Variants in CD70 observed in about 807,000 individuals in gnomAD.
CD70 encodes the protein CD70 antigen.
In CD70, 6 loss-of-function variants were observed where a neutral mutation model predicts 9.0. The ratio of observed to expected loss-of-function variants is 0.67; its 90% CI spans 0.37 to 1.32. The LOEUF (loss-of-function observed/expected upper bound fraction) is 1.32. Ranked by LOEUF, CD70 falls within the 40% of genes most tolerant of loss-of-function variation. CD70 has a pLI of 0.02. For synonymous variants in CD70, 108 were observed against 112.3 expected (o/e 0.96, Z 0.24); for missense variants, 235 against 258.7 (o/e 0.91, Z 0.63).
chr19:6,588,168 GTT>G (rs1366542790), intron 2 of CD70, among the ~76,000 whole-genome samples: 1 of 152,220 alleles, frequency 6.6e-6, no homozygotes, highest in Non-Finnish European at 1.5e-5. Flanking sequence ...CCCCAAGGGT[GTT>G]TACCAGGCTT....
intron 2 of CD70, 27 bp from the exon 3 acceptor site, chr19:6,586,432 G>C (rs1681851468): frequency 6.4e-7 from 1 of 1,572,314 alleles, no homozygotes; most frequent in South Asian, 1.2e-5. Flanking sequence ...AGAGGGATGA[G>C]AGGATGGAGG....
At chr19:6,582,610 G>A (rs571010357), downstream of CD70, among the ~76,000 whole-genome samples, 3 of 151,588 alleles carry the variant, frequency 2.0e-5, no homozygotes, top group Non-Finnish European at 4.4e-5. Context: ...GAGAACATGC[G>A]GTGTTTGGTT....
rs777338721 is a variant in CD70 at position 6,586,334 on chromosome 19, CT to C, written c.267del (p.Glu90SerfsTer21). On this transcript the variant is annotated frameshift_variant, in exon 3 of 3. Coordinates refer to ENST00000245903, the MANE Select transcript of CD70 (RefSeq NM_001252.5). LOFTEE classifies it low-confidence loss of function (END_TRUNC). The part of the protein sequence containing the change: ...PALGRSFLHG[P>X]ELDKGQLRIH... Reference sequence around the variant, plus strand: ...ATACGTAGCTGCCCCTTGTCCAGCTCTGGTCCATGCAGGAAGGAGCGGCCCA... The same window carrying C: ...ATACGTAGCTGCCCCTTGTCCAGCTCGGTCCATGCAGGAAGGAGCGGCCCA... 6.2e-7 allele frequency: 1 copy of C among 1,613,546 alleles called. No homozygotes were observed.
At chr19:6,585,265 T>C (rs763775977), downstream of CD70, among the ~76,000 whole-genome samples, 1 of 152,084 alleles carries the variant, frequency 6.6e-6, no homozygotes, top group Non-Finnish European at 1.5e-5. Context: ...TATTTTGCAT[T>C]GTCTGCTTTG....
chr19:6,588,389 A>AG (rs1486872446), intron 2 of CD70, among the ~76,000 whole-genome samples: 3 of 151,882 alleles, frequency 2.0e-5, no homozygotes, highest in East Asian at 1.9e-4. Context: ...AAGGCCGGGG[A>AG]GGGGGGGAAG....
downstream of CD70, among the ~76,000 whole-genome samples, chr19:6,583,641 C>A (rs61492198): frequency 1.9e-3 from 287 of 149,834 alleles, 4 homozygotes; most frequent in African/African-American, 6.8e-3. Context: ...TCACTGCAAT[C>A]TCCACCTCCT....
At position 6,586,154 on chromosome 19, in the gene CD70, C is replaced by G; in HGVS notation, c.448G>C (p.Gly150Arg). 1 of 1,614,090 alleles carries G rather than the reference C, an allele frequency of 6.2e-7. No homozygotes were observed. The highest frequency in any genetic ancestry group is 8.5e-7 in the Non-Finnish European group (1 of 1,180,022). ...AGGCGCTGGGAGGCAATGGTACAAC[C>G]TTGGTGGAAGCTGAGACGCAGCAGG... ...ISLLRLSFHQ[G>R]CTIASQRLTP... The change falls in exon 3 of 3, where the codon GGT becomes CGT. Residue 150 changes from glycine to arginine, a missense_variant. Physicochemically the swap from Gly to Arg is moderately radical, Grantham distance 125. Transcript: ENST00000245903.
chr19:6,583,266 GC>G, downstream of CD70: 2 of 652,324 alleles, frequency 3.1e-6, no homozygotes, highest in South Asian at 3.4e-5. Flanking sequence ...TGAGGTTCCA[GC>G]TGTTACAAAA....
At chr19:6,586,462 A>AG (rs3837945) in intron 2 of CD70, 57 bp from the exon 3 acceptor site, 2 of 1,505,730 alleles carry the variant, frequency 1.3e-6, no homozygotes, top group East Asian at 2.3e-5. Context: ...ACTGAGGCAC[A>AG]GGGGGTCATA....
downstream of CD70, among the ~76,000 whole-genome samples, chr19:6,584,593 C>T (rs546774607): frequency 6.6e-6 from 1 of 150,446 alleles, no homozygotes; most frequent in Admixed American, 6.6e-5. Flanking sequence ...CAGGCAGTGG[C>T]TCATGCCTGT....
downstream of CD70, among the ~76,000 whole-genome samples, chr19:6,582,501 C>T (rs1464036194): frequency 2.0e-5 from 3 of 151,054 alleles, no homozygotes; most frequent in African/African-American, 4.9e-5. Flanking sequence ...GCTATCCCTC[C>T]CCCCCTCCCC....
Position 6,590,280 on chromosome 19 carries a change from ATT to A in CD70, c.163-146_163-145del. 3.1e-6 allele frequency: 2 copies of A among 641,326 alleles called. No homozygotes were observed. Among genetic ancestry groups the A allele is most frequent in the Non-Finnish European group, 2.8e-6 (1 of 355,134 alleles). The allele number at this position is 641,326 out of a possible 1,614,324, so 39.7% of individuals were successfully genotyped here. ...CGCACTGGTGATTTTATTTCATTTT[ATT>A]TTTTTTTACTCTTAAGACTTCTTAA... On this transcript the variant is annotated intron_variant, in intron 1 of 2. Coordinates refer to ENST00000245903, the MANE Select transcript of CD70 (RefSeq NM_001252.5). The surrounding 1 kb of genome is among the most constrained non-coding windows in gnomAD (Gnocchi z 5.3).
At chr19:6,582,951 G>A (rs145287959), downstream of CD70, among the ~76,000 whole-genome samples, 1,216 of 152,200 alleles carry the variant, frequency 8.0e-3, 7 homozygotes, top group Middle Eastern at 0.02. Context: ...CCTCCCTCCC[G>A]GCTGCTTTCA....
downstream of CD70, among the ~76,000 whole-genome samples, chr19:6,583,955 G>C (rs897630963): frequency 1.2e-4 from 18 of 151,460 alleles, no homozygotes; most frequent in African/African-American, 4.4e-4. Flanking sequence ...ACCATGCCTG[G>C]CTAATTTTTG....
chr19:6,587,171 T>G (rs1916041268), intron 2 of CD70, among the ~76,000 whole-genome samples: 1 of 125,438 alleles, frequency 8.0e-6, no homozygotes, highest in African/African-American at 3.2e-5. Context: ...AGAGACAGCA[T>G]GAGAGAGAGA....
chr19:6,586,482 A>T (rs1385859724), intron 2 of CD70, 77 bp from the exon 3 acceptor site: 1 of 1,411,426 alleles, frequency 7.1e-7, no homozygotes, highest in African/African-American at 1.4e-5. Flanking sequence ...AGAGAAAGTC[A>T]GATATAGAGA....
At chr19:6,584,543 A>C (rs901291681), downstream of CD70, among the ~76,000 whole-genome samples, 1 of 143,116 alleles carries the variant, frequency 7.0e-6, no homozygotes, top group Non-Finnish European at 1.5e-5. Context: ...ACCATCTTTA[A>C]ATACTGGTAA....
In CD70 at chr19:6,590,996, C is replaced by T; in HGVS notation, c.7G>A (p.Glu3Lys). 1 of 1,592,456 alleles carries T rather than the reference C, an allele frequency of 6.3e-7. No individual in the cohort carries two copies. Residue 3 changes from glutamate (E) to lysine (K), a missense_variant, in exon 1 of 3, where the codon GAG becomes AAG. By Grantham distance (56) the Glu-to-Lys change is moderately conservative (BLOSUM62 1). Transcript: ENST00000245903. The surrounding 1 kb of genome is among the most constrained non-coding windows in gnomAD (Gnocchi z 5.3). ...CGCACCGAGCAGCCCGAACCCTCCT[C>T]CGGCATCGCCGCGGCGATCACCTCC... MP[E>K]EGSGCSVRRR...
intron 2 of CD70, 74 bp from the exon 3 acceptor site, chr19:6,586,479 GTCAGA>G: frequency 7.0e-6 from 10 of 1,434,116 alleles, no homozygotes; most frequent in Non-Finnish European, 9.4e-6. Context: ...CATAGAGAAA[GTCAGA>G]TATAGAGATC....
Sources: allele counts gnomAD v4.1 joint callset (sites outside exome capture counted in the v4.1 genomes callset), GRCh38; gene constraint gnomAD v4.1.1; non-coding constraint Gnocchi (gnomAD v3.1); transcripts MANE v1.5; gene names NCBI Gene and HGNC (gene_info 2026-07-23, HGNC 2026-07-21).